Variants in PLPP1 observed in about 807,000 individuals in gnomAD.
PLPP1 encodes the protein phospholipid phosphatase 1.
A neutral mutation model predicts 31.2 loss-of-function variants in PLPP1; 24 were observed. The ratio of observed to expected loss-of-function variants is 0.77; its 90% CI spans 0.56 to 1.08. The LOEUF (loss-of-function observed/expected upper bound fraction) is 1.08. PLPP1 is among the 50% of genes least tolerant of loss of function. The probability of loss-of-function intolerance (pLI) is 0.00; values close to 1 mark genes in which losing one functional copy is unlikely to be tolerated. For missense variants in PLPP1, 319 were observed against 342.7 expected (o/e 0.93, Z 0.55); for synonymous variants, 146 against 126.3 (o/e 1.16, Z -1.05).
intron 4 of PLPP1, among the ~76,000 whole-genome samples, chr5:55,429,555 A>G (rs1220662170): frequency 6.6e-6 from 1 of 152,082 alleles, no homozygotes; most frequent in Non-Finnish European, 1.5e-5. Flanking sequence ...CCACACAAAC[A>G]GGGAACTTGG....
intron 1 of PLPP1, among the ~76,000 whole-genome samples, chr5:55,487,369 C>T (rs1752796414): frequency 7.1e-6 from 1 of 141,568 alleles, no homozygotes; most frequent in African/African-American, 2.6e-5. Flanking sequence ...TAGAACTACA[C>T]AAAGCCAAAA....
chr5:55,467,636 C>A (rs1021956375), intron 3 of PLPP1, among the ~76,000 whole-genome samples: 4 of 151,770 alleles, frequency 2.6e-5, no homozygotes, highest in Admixed American at 1.3e-4. Context: ...ATTTAACATT[C>A]TTACATGCTG....
At chr5:55,473,905 A>G (rs1752475472) in intron 2 of PLPP1, among the ~76,000 whole-genome samples, 1 of 152,020 alleles carries the variant, frequency 6.6e-6, no homozygotes, top group Non-Finnish European at 1.5e-5. Flanking sequence ...TCAGGGCTCA[A>G]GTGATCCTCC....
chr5:55,483,220 ATTGTC>A (rs898081310), intron 1 of PLPP1, among the ~76,000 whole-genome samples: 3 of 152,192 alleles, frequency 2.0e-5, no homozygotes, highest in African/African-American at 7.2e-5. Flanking sequence ...AATTGTGAAT[ATTGTC>A]TACTTAATAT....
intron 1 of PLPP1, among the ~76,000 whole-genome samples, chr5:55,482,814 T>C (rs1313859245): frequency 6.6e-6 from 1 of 152,216 alleles, no homozygotes; most frequent in Non-Finnish European, 1.5e-5. Context: ...AACCCACTCA[T>C]TCTTTCTTCC....
chr5:55,457,960 T>C (rs534352451), intron 3 of PLPP1, among the ~76,000 whole-genome samples: 11 of 152,322 alleles, frequency 7.2e-5, no homozygotes, highest in African/African-American at 2.6e-4. Flanking sequence ...AATGACTTTC[T>C]TAAATTTGCT....
chr5:55,530,532 A>G, intron 1 of PLPP1: 2 of 1,214,602 alleles, frequency 1.6e-6, no homozygotes, highest in South Asian at 1.2e-5. Flanking sequence ...AGAGATCTGA[A>G]AGTTTGGAAT....
At chr5:55,519,405 G>A (rs780866045) in intron 1 of PLPP1, among the ~76,000 whole-genome samples, 1 of 152,168 alleles carries the variant, frequency 6.6e-6, no homozygotes, top group Non-Finnish European at 1.5e-5. Context: ...CTATGCTAGT[G>A]ATACTTTCTA....
chr5:55,476,166 T>G (rs6875903), intron 1 of PLPP1, among the ~76,000 whole-genome samples: 35,967 of 144,692 alleles, frequency 0.25, 4,751 homozygotes, highest in African/African-American at 0.37. Context: ...TTTTTGGGGG[T>G]TTTTTTTTGT....
chr5:55,523,337 AT>A (rs1026647058), intron 1 of PLPP1, among the ~76,000 whole-genome samples: 1 of 151,970 alleles, frequency 6.6e-6, no homozygotes, highest in South Asian at 2.1e-4. Context: ...CATTCTACCT[AT>A]TTTTTGTACT....
intron 2 of PLPP1, 143 bp downstream of exon 2, chr5:55,475,155 CT>C (rs1178012194): frequency 2.6e-5 from 20 of 768,698 alleles, no homozygotes; most frequent in Non-Finnish European, 3.9e-5. Context: ...AGCTGAGATT[CT>C]CTTGATCAAA....
intron 4 of PLPP1, among the ~76,000 whole-genome samples, chr5:55,438,969 G>C (rs1751559674): frequency 6.6e-6 from 1 of 151,728 alleles, no homozygotes; most frequent in Admixed American, 6.6e-5. Context: ...TGAAATAAAA[G>C]CTGGGGCCTA....
chr5:55,469,217 G>A (rs533216546), intron 2 of PLPP1, among the ~76,000 whole-genome samples: 14 of 152,082 alleles, frequency 9.2e-5, no homozygotes, highest in South Asian at 4.1e-4. Context: ...GCCGGGCACC[G>A]TGGCTCACTC....
At chr5:55,510,623 A>G (rs1395178574) in intron 1 of PLPP1, among the ~76,000 whole-genome samples, 1 of 152,194 alleles carries the variant, frequency 6.6e-6, no homozygotes, top group Non-Finnish European at 1.5e-5. Context: ...CATGCTCTAC[A>G]CAATGACCCC....
intron 1 of PLPP1, among the ~76,000 whole-genome samples, chr5:55,488,045 C>A (rs1752810363): frequency 6.6e-6 from 1 of 151,992 alleles, no homozygotes; most frequent in Non-Finnish European, 1.5e-5. Flanking sequence ...TGCACTCCAG[C>A]CTGGGCAACA....
At chr5:55,487,367 C>T (rs1299402900) in intron 1 of PLPP1, among the ~76,000 whole-genome samples, 1 of 146,018 alleles carries the variant, frequency 6.8e-6, no homozygotes, top group Non-Finnish European at 1.5e-5. Context: ...GGTAGAACTA[C>T]ACAAAGCCAA....
At position 55,511,469 on chromosome 5, in the gene PLPP1, T is replaced by A. The variant is rs1753406125; in HGVS notation, c.58+23103A>T. Among the ~76,000 whole-genome samples the A allele has an allele frequency of 4.6e-5, 7 of 152,088 alleles. No individual in the cohort carries two copies. The South Asian group carries it at 1.5e-3, about 32-fold the overall frequency. On this transcript the variant is annotated intron_variant, in intron 1 of 5. Coordinates refer to ENST00000307259, the MANE Select transcript of PLPP1 (RefSeq NM_003711.4). ...GTATACATGCAGTAATATCACAAGT[T>A]TTTTTTTCTTTTAAAGCATGGGTTT...
chr5:55,425,264 G>C lies in PLPP1; in HGVS notation c.797C>G (p.Thr266Arg). 6.2e-7 allele frequency: 1 copy of C among 1,613,292 alleles called. No homozygotes were observed. The highest frequency in any genetic ancestry group is 8.5e-7 in the Non-Finnish European group (1 of 1,179,378). Residue 266 changes from threonine to arginine, a missense_variant, in exon 6 of 6, where the codon ACA (threonine) becomes AGA (arginine). Coordinates refer to ENST00000307259, the MANE Select transcript of PLPP1 (RefSeq NM_003711.4). ...FKERKEEDSH[T>R]TLHETPTTGN... ...AGTTGTTGGTGTTTCATGCAGAGTT[G>C]TATGAGAGTCCTCCTCTTTTCTTTC...
chr5:55,492,977 T>TA (rs1001886723), intron 1 of PLPP1, among the ~76,000 whole-genome samples: 11 of 152,064 alleles, frequency 7.2e-5, no homozygotes, highest in African/African-American at 2.4e-4. Context: ...ACCTGTCCTT[T>TA]AAAAACCTCA....
Sources: allele counts gnomAD v4.1 joint callset (sites outside exome capture counted in the v4.1 genomes callset), GRCh38; gene constraint gnomAD v4.1.1; transcripts MANE v1.5; gene names NCBI Gene and HGNC (gene_info 2026-07-23, HGNC 2026-07-21).